Variants in CHRNA4 observed in about 807,000 individuals in gnomAD.
CHRNA4 encodes the protein cholinergic receptor nicotinic alpha 4 subunit.
Under a neutral mutation model 48.9 loss-of-function variants are expected in CHRNA4, and 28 were observed. The observed-to-expected ratio is 0.57, with a 90% CI of 0.42 to 0.79. The LOEUF (loss-of-function observed/expected upper bound fraction) is 0.79. Ranked by LOEUF, CHRNA4 falls within the 30% of genes least tolerant of loss-of-function variation. CHRNA4 has a pLI of 0.00. For synonymous variants in CHRNA4, 425 were observed against 402.3 expected (o/e 1.06, Z -0.68); for missense variants, 859 against 898.4 (o/e 0.96, Z 0.56).
chr20:63,358,855 G>T (rs6011785), intron 2 of CHRNA4, among the ~76,000 whole-genome samples: 1 of 152,078 alleles, frequency 6.6e-6, no homozygotes, highest in African/African-American at 2.4e-5. Flanking sequence ...GTCTGGCTCA[G>T]GCCTGGGTAG....
rs1165125589 is a variant in CHRNA4, at chr20:63,355,671, A to G, written c.383+304T>C. 5.5e-6 allele frequency: 6 copies of G among 1,095,246 alleles called. No homozygotes were observed. In the African/African-American group the frequency reaches 7.9e-5, roughly 14 times the overall value. The allele number at this position is 1,095,246 out of a possible 1,614,324, so 67.8% of individuals were successfully genotyped here. A position where few individuals can be genotyped will look rare whatever the true frequency, so the allele number is the denominator to read the frequency against. ...CCTCAGGACTGGTCCAGGCAGGGAC[A>G]CTGTGTCCAGGTGCCATAGCCACTC... On this transcript the variant is annotated intron_variant, in intron 4 of 5. Coordinates refer to ENST00000370263, the MANE Select transcript of CHRNA4 (RefSeq NM_000744.7).
Position 63,356,100 on chromosome 20 carries a change from CG to C in CHRNA4, c.274-17del, listed in dbSNP as rs1320836755. ...CGTGCCACTCCTGGATGAGGTGGGGCGGGGGGAGGCTGCAGGGTGAGGGGTG... is the reference window on the plus strand; with the variant it reads ...CGTGCCACTCCTGGATGAGGTGGGGCGGGGGAGGCTGCAGGGTGAGGGGTG... On this transcript the variant is annotated splice_polypyrimidine_tract_variant and intron_variant, in intron 3 of 5. Transcript: ENST00000370263. 23 of 705,914 alleles carry C rather than the reference CG, an allele frequency of 3.3e-5. No individual in the cohort carries two copies. Among genetic ancestry groups the C allele is most frequent in the Non-Finnish European group, 3.9e-5 (21 of 533,812 alleles). 43.7% of individuals were successfully genotyped at this position (705,914 alleles called of 1,614,324 possible). A position where few individuals can be genotyped will look rare whatever the true frequency, so the allele number is the denominator to read the frequency against.
intron 1 of CHRNA4, 181 bp downstream of exon 1, chr20:63,360,909 C>T (rs1053612423): frequency 1.1e-5 from 5 of 473,272 alleles, no homozygotes; most frequent in South Asian, 9.9e-5. Context: ...CCCTCCTCGC[C>T]TGGCTCAGCC....
chr20:63,348,465 T>C (rs1183698359), intron 5 of CHRNA4, among the ~76,000 whole-genome samples: 2 of 152,140 alleles, frequency 1.3e-5, no homozygotes, highest in African/African-American at 4.8e-5. Context: ...TCACTTTTCA[T>C]GGGTATGGAG....
rs201168195 is a variant in CHRNA4, at chr20:63,346,797, C to T, written c.1825G>A (p.Val609Ile). 6.8e-5 allele frequency: 110 copies of T among 1,612,624 alleles called. No homozygotes were observed. The highest frequency in any genetic ancestry group is 6.6e-4 in the Middle Eastern group (4 of 6,058). The change falls in exon 6 of 6, where the codon GTC (valine) becomes ATC (isoleucine). Residue 609 changes from valine (V) to isoleucine (I), a missense_variant. By Grantham distance (29) the Val-to-Ile change is conservative. This residue lies in a region of CHRNA4 where 478 missense variants were observed against 455.4 expected (regional missense o/e 1.05). Coordinates refer to ENST00000370263, the MANE Select transcript of CHRNA4 (RefSeq NM_000744.7). ...AGGCCCACCGTCCCCAGCAGGCAGA[C>T]GATGATGAACATCCAGAGGAAGATG... is the stretch of plus-strand genomic sequence containing the variant. ...DRIFLWMFII[V>I]CLLGTVGLFL...
rs1159775083 is a variant in CHRNA4 at position 63,343,468 on chromosome 20, C to T, written c.*3270G>A. ...CCACTTTAGAAATCCGAAGCCGCCT[C>T]TGCTCCAGGGGACACCTAACCCAGC... On this transcript the variant is annotated 3_prime_UTR_variant, in exon 6 of 6. Transcript: ENST00000370263. 1 of 454,170 alleles carries T rather than the reference C, an allele frequency of 2.2e-6. No individual in the cohort carries two copies. The highest frequency in any genetic ancestry group is 2.3e-5 in the Admixed American group (1 of 42,580). The allele number at this position is 454,170 out of a possible 1,614,324, so 28.1% of individuals were successfully genotyped here.
intron 4 of CHRNA4, among the ~76,000 whole-genome samples, chr20:63,353,323 C>T (rs992073636): frequency 2.6e-5 from 4 of 152,166 alleles, no homozygotes; most frequent in African/African-American, 7.2e-5. Flanking sequence ...GAGAGAGCCT[C>T]GGTGACAATC....
chr20:63,351,385 G>A (rs111697291), intron 4 of CHRNA4, among the ~76,000 whole-genome samples: 57 of 152,332 alleles, frequency 3.7e-4, no homozygotes, highest in African/African-American at 1.2e-3. Context: ...GGCGTAGCAC[G>A]TGGTTCAGAG....
At chr20:63,353,283 G>A (rs566458190) in intron 4 of CHRNA4, among the ~76,000 whole-genome samples, 60 of 152,294 alleles carry the variant, frequency 3.9e-4, no homozygotes, top group African/African-American at 1.2e-3. Context: ...CAGCACCAGC[G>A]GCCACTCCAG....
chr20:63,351,254 C>T (rs1281795114), intron 4 of CHRNA4: 7 of 506,914 alleles, frequency 1.4e-5, no homozygotes, highest in African/African-American at 1.1e-4. Flanking sequence ...ACGTCCACGT[C>T]CACGTCCACA....
At position 63,345,817 on chromosome 20, in the gene CHRNA4, C is replaced by G; in HGVS notation, c.*921G>C. 1 of 448,914 alleles carries G rather than the reference C, an allele frequency of 2.2e-6. No homozygotes were observed. Among genetic ancestry groups the G allele is most frequent in the Non-Finnish European group, 4.5e-6 (1 of 222,916 alleles). The allele number at this position is 448,914 out of a possible 1,614,324, so 27.8% of individuals were successfully genotyped here. ...GCGCCAAGGTGGAAACCCTCAGGGT[C>G]CTGGGGGAACCAGGGCCCAGGTCTG... On this transcript the variant is annotated 3_prime_UTR_variant, in exon 6 of 6. Transcript: ENST00000370263. This position sits in a 1 kb window ranked among gnomAD's most constrained non-coding sequence, Gnocchi z 5.4.
rs199755208 is a variant in CHRNA4 at position 63,344,450 on chromosome 20, G to A, written c.*2288C>T. 3.7e-4 allele frequency: 167 copies of A among 453,466 alleles called. 1 individual carries two copies. Among genetic ancestry groups the A allele is most frequent in the Middle Eastern group, 6.8e-4 (1 of 1,466 alleles). The allele number at this position is 453,466 out of a possible 1,614,324, so 28.1% of individuals were successfully genotyped here. A position where few individuals can be genotyped will look rare whatever the true frequency, so the allele number is the denominator to read the frequency against. ...ACATTGTTGTCAAGGTTAATTTGGC[G>A]TGGTGGGAATATGGTGCTTTATTTG... On this transcript the variant is annotated 3_prime_UTR_variant, in exon 6 of 6. Transcript: ENST00000370263. This position sits in a 1 kb window ranked among gnomAD's most constrained non-coding sequence, Gnocchi z 4.5.
In CHRNA4 at chr20:63,350,802, G is replaced by A. The variant is rs759753426; in HGVS notation, c.609C>T (p.Phe203=). 6.2e-7 allele frequency: 1 copy of A among 1,613,894 alleles called. No individual in the cohort carries two copies. Among genetic ancestry groups the A allele is most frequent in the South Asian group, 1.1e-5 (1 of 91,072 alleles). ...NMHSRVDQLD[F]WESGEWVIVD... ...CGATGACCCACTCGCCACTCTCCCA[G>A]AAGTCCAGCTGGTCCACGCGGCTGT... Residue 203 remains phenylalanine (F), a synonymous_variant, in exon 5 of 6, where the codon TTC becomes TTT. Coordinates refer to ENST00000370263, the MANE Select transcript of CHRNA4 (RefSeq NM_000744.7).
intron 4 of CHRNA4, chr20:63,354,682 T>C: frequency 1.0e-6 from 1 of 985,352 alleles, no homozygotes; most frequent in African/African-American, 1.8e-5. Context: ...GGGGGCTGCA[T>C]TCCTGGAGGG....
At chr20:63,354,691 G>T in intron 4 of CHRNA4, 1 of 985,654 alleles carries the variant, frequency 1.0e-6, no homozygotes, top group Non-Finnish European at 1.2e-6. Context: ...ATTCCTGGAG[G>T]GCTGTGCACA....
Position 63,345,566 on chromosome 20 carries a change from G to T in CHRNA4, c.*1172C>A. ...TCTGGATACCGCCTGCAGGGGTGAGGCTGTGCTGAGCTCTGCCTGCCCTGC... is the reference window on the plus strand; with the variant it reads ...TCTGGATACCGCCTGCAGGGGTGAGTCTGTGCTGAGCTCTGCCTGCCCTGC... On this transcript the variant is annotated 3_prime_UTR_variant, in exon 6 of 6. Transcript: ENST00000370263. The surrounding 1 kb of genome is among the most constrained non-coding windows in gnomAD (Gnocchi z 5.4). 2.3e-6 allele frequency: 1 copy of T among 439,230 alleles called. No individual in the cohort carries two copies. Among genetic ancestry groups the T allele is most frequent in the Non-Finnish European group, 4.7e-6 (1 of 214,934 alleles). The allele number at this position is 439,230 out of a possible 1,614,324, so 27.2% of individuals were successfully genotyped here. A position where few individuals can be genotyped will look rare whatever the true frequency, so the allele number is the denominator to read the frequency against.
rs1480042831 is a variant in CHRNA4, at chr20:63,345,114, T to C, written c.*1624A>G. On this transcript the variant is annotated 3_prime_UTR_variant, in exon 6 of 6. Transcript: ENST00000370263. This position sits in a 1 kb window ranked among gnomAD's most constrained non-coding sequence, Gnocchi z 5.4. ...GCCCGCGGGGACACAGCGGCATTTC[T>C]GGGGCACTCGGCATGCCGGGTTCCT... is the stretch of plus-strand genomic sequence containing the variant. The C allele has an allele frequency of 2.2e-5, 10 of 454,032 alleles. No individual in the cohort carries two copies. Among genetic ancestry groups the C allele is most frequent in the Non-Finnish European group, 4.4e-5 (10 of 226,740 alleles). The allele number at this position is 454,032 out of a possible 1,614,324, so 28.1% of individuals were successfully genotyped here. A position where few individuals can be genotyped will look rare whatever the true frequency, so the allele number is the denominator to read the frequency against.
Position 63,361,246 on chromosome 20 carries a change from TGCCTCCCGCGCCTC to T in CHRNA4, c.-95_-82del, listed in dbSNP as rs1204182507. The T allele has an allele frequency of 1.4e-6, 2 of 1,425,778 alleles. No individual in the cohort carries two copies. Among genetic ancestry groups the T allele is most frequent in the East Asian group, 6.3e-5 (2 of 31,900 alleles). 88.3% of individuals were successfully genotyped at this position (1,425,778 alleles called of 1,614,324 possible). On this transcript the variant is annotated 5_prime_UTR_variant, in exon 1 of 6. Transcript: ENST00000370263. ...CGAGGCCCGTGCGCGCCCAACTTCA[TGCCTCCCGCGCCTC>T]GCGGGCCGCTTCGGCCGCCGGGCCC...
At chr20:63,359,913 G>GCCAGGCGTGCGCTGTGTA (rs1268419860) in intron 1 of CHRNA4, 2 of 519,450 alleles carry the variant, frequency 3.9e-6, no homozygotes, top group East Asian at 6.9e-5. Flanking sequence ...GTGTGTGTGT[G>GCCAGGCGTGCGCTGTGTA]TGTGTGTGTG....
Sources: gnomAD v4.1 joint callset for allele counts (sites outside exome capture counted in the v4.1 genomes callset) on GRCh38, gnomAD v4.1.1 for gene constraint, gnomAD v4.1.1 regional missense constraint, Gnocchi (gnomAD v3.1) non-coding constraint, MANE v1.5 for transcripts, NCBI Gene and HGNC (gene_info 2026-07-23, HGNC 2026-07-21) for gene names.